Variants in CACNA1B observed in about 807,000 individuals in gnomAD.
CACNA1B encodes the protein voltage-dependent N-type calcium channel subunit alpha-1B.
Under a neutral mutation model 247.2 loss-of-function variants are expected in CACNA1B, and 70 were observed. The ratio of observed to expected loss-of-function variants is 0.28; its 90% confidence interval spans 0.23 to 0.35. CACNA1B has a LOEUF of 0.35. Ranked by LOEUF, CACNA1B falls within the 10% of genes least tolerant of loss-of-function variation. The pLI is 1.00. For synonymous variants in CACNA1B, 1,231 were observed against 1,294.4 expected (o/e 0.95, Z 1.05); for missense variants, 2,367 against 3,197.4 (o/e 0.74, Z 6.26).
intron 20 of CACNA1B, among the ~76,000 whole-genome samples, chr9:138,025,880 C>T (rs894136003): frequency 6.6e-6 from 1 of 152,140 alleles, no homozygotes; most frequent in African/African-American, 2.4e-5. Flanking sequence ...CAAGGAGGAG[C>T]CCTCCTTTCT....
chr9:138,022,787 G>A (rs1958861941), intron 18 of CACNA1B, among the ~76,000 whole-genome samples: 1 of 141,458 alleles, frequency 7.1e-6, no homozygotes, highest in Admixed American at 6.9e-5. Context: ...TTCACCTTGC[G>A]GGTCCTGTGG....
At position 138,078,240 on chromosome 9, in the gene CACNA1B, C is replaced by T. The variant is rs1385722346; in HGVS notation, c.5076C>T (p.Ile1692=). Residue 1692 remains isoleucine (I), a synonymous_variant, in exon 36 of 47, where the codon ATC becomes ATT. Transcript: ENST00000371372. ...DFAYFYFVSF[I]FLCSFLMLNL... is the part of the protein sequence containing the mutation. ...CCTACTTCTACTTCGTCTCCTTCATCTTCCTGTGCTCCTTTCTGGTGAGTC... is the reference window on the plus strand; with the variant it reads ...CCTACTTCTACTTCGTCTCCTTCATTTTCCTGTGCTCCTTTCTGGTGAGTC... The T allele has an allele frequency of 8.1e-6, 13 of 1,614,044 alleles. No individual in the cohort carries two copies. The South Asian group carries it at 1.4e-4, about 18-fold the overall frequency.
At chr9:137,959,781 G>A (rs886804293) in intron 10 of CACNA1B, among the ~76,000 whole-genome samples, 15 of 152,186 alleles carry the variant, frequency 9.9e-5, no homozygotes, top group Non-Finnish European at 1.8e-4. Flanking sequence ...AGCAACGGAG[G>A]CATGGGGGCC....
chr9:138,076,021 C>A, intron 35 of CACNA1B, 111 bp downstream of exon 35: 1 of 709,812 alleles, frequency 1.4e-6, no homozygotes, highest in Non-Finnish European at 2.5e-6. Flanking sequence ...TTCTAATTCC[C>A]CGACCCCACT....
Position 138,010,519 on chromosome 9 carries a change from G to A in CACNA1B, c.2160+442G>A, listed in dbSNP as rs890695945. ...TGTCTCCCTCTGTGATATCCCTCCGGATGACACAGTCCCCTCCTGGTCATG... is the reference window on the plus strand; with the variant it reads ...TGTCTCCCTCTGTGATATCCCTCCGAATGACACAGTCCCCTCCTGGTCATG... On this transcript the variant is annotated intron_variant, in intron 17 of 46. Coordinates refer to ENST00000371372, the MANE Select transcript of CACNA1B (RefSeq NM_000718.4). This position sits in a 1 kb window ranked among gnomAD's most constrained non-coding sequence, Gnocchi z 5.3. Among the ~76,000 whole-genome samples, 6 of 152,154 alleles carry A rather than the reference G, an allele frequency of 3.9e-5. No homozygotes were observed. Among genetic ancestry groups the A allele is most frequent in the African/African-American group, 1.4e-4 (6 of 41,430 alleles).
intron 31 of CACNA1B, among the ~76,000 whole-genome samples, chr9:138,062,439 T>C (rs1468852495): frequency 6.6e-6 from 1 of 152,142 alleles, no homozygotes; most frequent in East Asian, 1.9e-4. Flanking sequence ...TTGGGCCACA[T>C]GTTGTGTGCT....
chr9:137,984,628 T>G (rs1958334906), intron 13 of CACNA1B, among the ~76,000 whole-genome samples: 1 of 152,102 alleles, frequency 6.6e-6, no homozygotes, highest in South Asian at 2.1e-4. Context: ...AGCCCCCAAG[T>G]CTGCCTACCT....
rs1225244327 is a variant in CACNA1B, at chr9:138,020,839, G to T, written c.2268-2172G>T. Among the ~76,000 whole-genome samples the T allele has an allele frequency of 2.0e-5, 3 of 152,238 alleles. No homozygotes were observed. Among genetic ancestry groups the T allele is most frequent in the African/African-American group, 7.2e-5 (3 of 41,468 alleles). ...GCCACACCTGAATGCAAGGGTGAGG[G>T]CAGAGCTATATGGTCTGGAGCCCAC... On this transcript the variant is annotated intron_variant, in intron 18 of 46. Transcript: ENST00000371372. This position sits in a 1 kb window ranked among gnomAD's most constrained non-coding sequence, Gnocchi z 4.1.
In CACNA1B at chr9:137,882,154, A is replaced by G. The variant is rs992827689; in HGVS notation, c.391-590A>G. On this transcript the variant is annotated intron_variant, in intron 2 of 46. Coordinates refer to ENST00000371372, the MANE Select transcript of CACNA1B (RefSeq NM_000718.4). The surrounding 1 kb of genome is among the most constrained non-coding windows in gnomAD (Gnocchi z 4.0). The stretch of plus-strand genomic sequence containing the variant: ...GGTTACCCGGGTGCATGTTGAATGC[A>G]TAAACGGGGCCTGGACTGAGTTCAA... Among the ~76,000 whole-genome samples the G allele has an allele frequency of 7.2e-5, 11 of 152,186 alleles. No homozygotes were observed. The highest frequency in any genetic ancestry group is 2.4e-4 in the African/African-American group (10 of 41,438).
intron 19 of CACNA1B, among the ~76,000 whole-genome samples, chr9:138,024,390 C>T (rs1958893720): frequency 6.6e-6 from 1 of 152,170 alleles, no homozygotes; most frequent in Non-Finnish European, 1.5e-5. Context: ...ACCCACTGGC[C>T]ACAAACCAAC....
chr9:137,910,122 G>A lies in CACNA1B; in HGVS notation c.531-3058G>A, dbSNP rs151098848. ...AGTGGTATTTCATTGTGGTTTTGAT[G>A]TTTACTTCCCTAATGATTAGTGATG... On this transcript the variant is annotated intron_variant, in intron 3 of 46. Transcript: ENST00000371372. 2.1e-3 allele frequency among the ~76,000 whole-genome samples: 322 copies of A among 152,198 alleles called. 1 individual carries two copies. Among genetic ancestry groups the A allele is most frequent in the South Asian group, 0.012 (58 of 4,812 alleles).
chr9:138,006,726 C>T (rs200932694), intron 15 of CACNA1B, 41 bp from the exon 16 acceptor site: 29 of 1,155,002 alleles, frequency 2.5e-5, no homozygotes, highest in Non-Finnish European at 3.5e-5. Flanking sequence ...GTGGGGAAGG[C>T]GGCCATGGGG....
chr9:137,892,461 T>C (rs1480755167), intron 3 of CACNA1B: 2 of 417,632 alleles, frequency 4.8e-6, no homozygotes, highest in Admixed American at 2.5e-5. Context: ...AATGGTTAGA[T>C]GGTTTGATGT....
At chr9:137,982,767 C>A (rs1218234995) in intron 12 of CACNA1B, among the ~76,000 whole-genome samples, 1 of 152,164 alleles carries the variant, frequency 6.6e-6, no homozygotes, top group Non-Finnish European at 1.5e-5. Flanking sequence ...ATGTGATCAC[C>A]AAGAACAGAT....
chr9:138,118,886 T>C (rs983992886), intron 44 of CACNA1B, 118 bp downstream of exon 44: 5 of 623,914 alleles, frequency 8.0e-6, no homozygotes, highest in African/African-American at 3.8e-5. Context: ...CTGGGGTCCA[T>C]GTGTGGAGCT....
intron 32 of CACNA1B, among the ~76,000 whole-genome samples, chr9:138,071,361 G>A (rs1034788549): frequency 2.0e-5 from 3 of 152,198 alleles, no homozygotes; most frequent in Admixed American, 6.5e-5. Context: ...AGTGAGGTTG[G>A]GGCAGGCTGT....
chr9:138,077,089 C>A (rs554045361), intron 35 of CACNA1B, among the ~76,000 whole-genome samples: 2 of 152,364 alleles, frequency 1.3e-5, no homozygotes, highest in African/African-American at 2.4e-5. Flanking sequence ...CTTTCTGTTT[C>A]TCCCTGAACT....
Position 137,878,999 on chromosome 9 carries a change from C to T in CACNA1B, c.285-55C>T, listed in dbSNP as rs1588970806. On this transcript the variant is annotated intron_variant, in intron 1 of 46. Transcript: ENST00000371372. ...CTGCTGCACTGGGCTCTGCTGGCGTCGGCCTCGTGTTTCCCTCCGTGCGGC... is the reference window on the plus strand; with the variant it reads ...CTGCTGCACTGGGCTCTGCTGGCGTTGGCCTCGTGTTTCCCTCCGTGCGGC... 7 of 1,160,166 alleles carry T rather than the reference C, an allele frequency of 6.0e-6. No homozygotes were observed. In the East Asian group the frequency reaches 7.6e-5, roughly 13 times the overall value. The allele number at this position is 1,160,166 out of a possible 1,614,324, so 71.9% of individuals were successfully genotyped here. A position where few individuals can be genotyped will look rare whatever the true frequency, so the allele number is the denominator to read the frequency against.
chr9:137,958,511 A>G lies in CACNA1B; in HGVS notation c.1333+824A>G, dbSNP rs190940939. On this transcript the variant is annotated intron_variant, in intron 10 of 46. Coordinates refer to ENST00000371372, the MANE Select transcript of CACNA1B (RefSeq NM_000718.4). ...ATTCTAGCCCCCCTTGTCGGGTGCA[A>G]CCTGGCGTTGCTGATGTGGAGTCAC... Among the ~76,000 whole-genome samples, 8 of 152,310 alleles carry G rather than the reference A, an allele frequency of 5.3e-5. No individual in the cohort carries two copies. The East Asian group carries it at 1.5e-3, about 29-fold the overall frequency.
Sources: allele counts gnomAD v4.1 joint callset (sites outside exome capture counted in the v4.1 genomes callset), GRCh38; gene constraint gnomAD v4.1.1; non-coding constraint Gnocchi (gnomAD v3.1); transcripts MANE v1.5; gene names NCBI Gene and HGNC (gene_info 2026-07-23, HGNC 2026-07-21).